Variants in POU2F2 observed in about 807,000 individuals in gnomAD.
The protein encoded by POU2F2 is POU class 2 homeobox 2.
POU2F2 carries 14 observed loss-of-function variants against 63.5 expected under a neutral mutation model. That is an observed-to-expected ratio of 0.22 (90% CI 0.15 to 0.34). The LOEUF (loss-of-function observed/expected upper bound fraction) is 0.34. Ranked by LOEUF, POU2F2 falls within the 10% of genes least tolerant of loss-of-function variation. POU2F2 has a pLI of 1.00. For synonymous variants in POU2F2, 306 were observed against 348.6 expected, an observed-to-expected ratio of 0.88 and a Z score of 1.36; for missense variants, 607 against 815.2, an observed-to-expected ratio of 0.74 and a Z score of 3.11.
At chr19:42,186,901 C>T (rs2035018378) in intron 1 of POU2F2, among the ~76,000 whole-genome samples, 1 of 152,060 alleles carries the variant, frequency 6.6e-6, no homozygotes, top group South Asian at 2.1e-4. Context: ...AGAACTTATT[C>T]GACAAAGTTC....
At chr19:42,166,785 G>A (rs1260212591) in intron 1 of POU2F2, among the ~76,000 whole-genome samples, 1 of 152,130 alleles carries the variant, frequency 6.6e-6, no homozygotes, top group Non-Finnish European at 1.5e-5. Context: ...CAGGTAGGAG[G>A]TGGACTCACT....
At chr19:42,147,571 G>A (rs1353728352) in intron 2 of POU2F2, among the ~76,000 whole-genome samples, 1 of 152,160 alleles carries the variant, frequency 6.6e-6, no homozygotes, top group African/African-American at 2.4e-5. Context: ...AACAAACGCT[G>A]GGCACATAGT....
Position 42,117,217 on chromosome 19 carries a change from T to C in POU2F2, c.369+33A>G. On this transcript the variant is annotated intron_variant, in intron 5 of 14. Coordinates refer to ENST00000692977, the MANE Select transcript of POU2F2 (RefSeq NM_001394376.1). The surrounding 1 kb of genome is among the most constrained non-coding windows in gnomAD (Gnocchi z 4.4). ...TAACAGATGAGGGGTGGCTGGTTTG[T>C]CCCCTCGTCCCCATCCTTCCCCAAG... 7.0e-7 allele frequency: 1 copy of C among 1,435,678 alleles called. No homozygotes were observed. Among genetic ancestry groups the C allele is most frequent in the South Asian group, 1.5e-5 (1 of 65,792 alleles). The allele number at this position is 1,435,678 out of a possible 1,614,324, so 88.9% of individuals were successfully genotyped here. A position where few individuals can be genotyped will look rare whatever the true frequency, so the allele number is the denominator to read the frequency against.
chr19:42,130,102 C>A (rs1178528794), intron 1 of POU2F2, among the ~76,000 whole-genome samples: 1 of 152,102 alleles, frequency 6.6e-6, no homozygotes. Flanking sequence ...ACACAGCCAG[C>A]CAGACACACG....
chr19:42,186,837 C>T (rs923994755), intron 1 of POU2F2, among the ~76,000 whole-genome samples: 3 of 151,948 alleles, frequency 2.0e-5, no homozygotes, highest in African/African-American at 7.3e-5. Context: ...CACTTGGATG[C>T]CCGGATGGAT....
At chr19:42,148,342 A>G (rs2034273455) in intron 2 of POU2F2, among the ~76,000 whole-genome samples, 1 of 152,200 alleles carries the variant, frequency 6.6e-6, no homozygotes, top group East Asian at 1.9e-4. Flanking sequence ...AACTAGTGAA[A>G]AGTAAGCACT....
chr19:42,128,821 C>G (rs558638886), intron 1 of POU2F2, among the ~76,000 whole-genome samples: 2 of 152,114 alleles, frequency 1.3e-5, no homozygotes, highest in South Asian at 4.1e-4. Context: ...TATTTAAAAG[C>G]CCCTCCAGGT....
In POU2F2 at chr19:42,091,281, G is replaced by A. The variant is rs1208281256; in HGVS notation, c.1851C>T (p.Pro617=). The A allele has an allele frequency of 3.9e-6, 6 of 1,532,286 alleles. No homozygotes were observed. Among genetic ancestry groups the A allele is most frequent in the East Asian group, 2.5e-5 (1 of 40,794 alleles). The allele number at this position is 1,532,286 out of a possible 1,614,324, so 94.9% of individuals were successfully genotyped here. ...CTCACTCAGGTTTGGACCCTGCCTC[G>A]GGCCCCCCTGGACCTCCAGGGGTCT... is the stretch of plus-strand genomic sequence containing the variant. ...AAQTPGGPGG[P]EAGSKPE Residue 617 remains proline (P), a synonymous_variant, in exon 15 of 15, where the codon CCC becomes CCT. Transcript: ENST00000692977.
In POU2F2 at chr19:42,095,952, G is replaced by T. The variant is rs766762211; in HGVS notation, c.730-23C>A. 63 of 1,609,522 alleles carry T rather than the reference G, an allele frequency of 3.9e-5. No individual in the cohort carries two copies. Among genetic ancestry groups the T allele is most frequent in the South Asian group, 2.7e-4 (24 of 90,500 alleles). On this transcript the variant is annotated intron_variant, in intron 8 of 14. Transcript: ENST00000692977. The surrounding 1 kb of genome is among the most constrained non-coding windows in gnomAD (Gnocchi z 7.1). ...ACCCTGGGCCAGTGGGGCGGGGAAG[G>T]GCCCGAAGTCAGGGTGGGGCCTTCC...
At chr19:42,094,789 A>G (rs2076856369) in intron 11 of POU2F2, among the ~76,000 whole-genome samples, 1 of 152,200 alleles carries the variant, frequency 6.6e-6, no homozygotes, top group Non-Finnish European at 1.5e-5. Context: ...CGATGGGGGC[A>G]GGGGCTCCTC....
chr19:42,117,027 A>C lies in POU2F2; in HGVS notation c.369+223T>G. Reference sequence around the variant, plus strand: ...TGAGCTGCGGGGTGTCGGGGACAGCAGGAATTGGAGCAAGGGGTTGAAGAG... The same window carrying C: ...TGAGCTGCGGGGTGTCGGGGACAGCCGGAATTGGAGCAAGGGGTTGAAGAG... On this transcript the variant is annotated intron_variant, in intron 5 of 14. Coordinates refer to ENST00000692977, the MANE Select transcript of POU2F2 (RefSeq NM_001394376.1). This position sits in a 1 kb window ranked among gnomAD's most constrained non-coding sequence, Gnocchi z 4.4. 1 of 647,508 alleles carries C rather than the reference A, an allele frequency of 1.5e-6. No individual in the cohort carries two copies. The highest frequency in any genetic ancestry group is 2.8e-6 in the Non-Finnish European group (1 of 358,734). The allele number at this position is 647,508 out of a possible 1,614,324, so 40.1% of individuals were successfully genotyped here.
chr19:42,116,317 C>T (rs1023345915), intron 5 of POU2F2, among the ~76,000 whole-genome samples: 4 of 152,106 alleles, frequency 2.6e-5, no homozygotes, highest in Non-Finnish European at 5.9e-5. Flanking sequence ...GAGGGTAGGG[C>T]ACTCATTCTT....
chr19:42,089,414 T>C lies in POU2F2; in HGVS notation c.*1843A>G, dbSNP rs1399779026. 2 of 152,594 alleles carry C rather than the reference T, an allele frequency of 1.3e-5. No homozygotes were observed. Among genetic ancestry groups the C allele is most frequent in the African/African-American group, 4.8e-5 (2 of 41,434 alleles). The allele number at this position is 152,594 out of a possible 1,614,324, so 9.5% of individuals were successfully genotyped here. A position where few individuals can be genotyped will look rare whatever the true frequency, so the allele number is the denominator to read the frequency against. ...TTACTCCTTTTTTTCCTGTCTTTTTTTAAAGCTTTTTCAGTTGATTTGGGA... is the reference window on the plus strand; with the variant it reads ...TTACTCCTTTTTTTCCTGTCTTTTTCTAAAGCTTTTTCAGTTGATTTGGGA... On this transcript the variant is annotated 3_prime_UTR_variant, in exon 15 of 15. Transcript: ENST00000692977.
At chr19:42,104,712 C>A (rs1415657288) in intron 5 of POU2F2, among the ~76,000 whole-genome samples, 1 of 152,074 alleles carries the variant, frequency 6.6e-6, no homozygotes. Flanking sequence ...GAAAACCATA[C>A]CAGAAGGCCA....
chr19:42,098,997 T>C (rs756437329), intron 7 of POU2F2, among the ~76,000 whole-genome samples: 1 of 152,218 alleles, frequency 6.6e-6, no homozygotes, highest in Non-Finnish European at 1.5e-5. Context: ...CCAGATTTTC[T>C]GGTTTATCAA....
At chr19:42,184,950 G>C (rs950146662) in intron 1 of POU2F2, among the ~76,000 whole-genome samples, 2 of 152,034 alleles carry the variant, frequency 1.3e-5, no homozygotes, top group African/African-American at 4.8e-5. Context: ...ATCTAATCAT[G>C]TCATCTTCTC....
In POU2F2 at chr19:42,091,129, G is replaced by GTTTTTTTTTT. The variant is rs2076697486; in HGVS notation, c.*127_*128insAAAAAAAAAA. On this transcript the variant is annotated 3_prime_UTR_variant, in exon 15 of 15. Transcript: ENST00000692977. ...TTTTTTTTGGTTGGTTGTTTTTTTG[G>GTTTTTTTTTT]TCTTTCCTCCCTTGTCACTCCTGCT... 1 of 626,116 alleles carries GTTTTTTTTTT rather than the reference G, an allele frequency of 1.6e-6. No homozygotes were observed. The allele number at this position is 626,116 out of a possible 1,614,324, so 38.8% of individuals were successfully genotyped here.
Position 42,089,848 on chromosome 19 carries a change from G to A in POU2F2, c.*1409C>T, listed in dbSNP as rs183537927. The A allele has an allele frequency of 1.3e-5, 2 of 152,116 alleles. No homozygotes were observed. The highest frequency in any genetic ancestry group is 6.5e-5 in the Admixed American group (1 of 15,276). The allele number at this position is 152,116 out of a possible 1,614,324, so 9.4% of individuals were successfully genotyped here. ...CTCCACAATAGCAGGAGGGCAGGGTGGCTCCCAGTGGTGTCTCTCCTCTGT... is the reference window on the plus strand; with the variant it reads ...CTCCACAATAGCAGGAGGGCAGGGTAGCTCCCAGTGGTGTCTCTCCTCTGT... On this transcript the variant is annotated 3_prime_UTR_variant, in exon 15 of 15. Coordinates refer to ENST00000692977, the MANE Select transcript of POU2F2 (RefSeq NM_001394376.1).
chr19:42,132,590 CAT>C, upstream of POU2F2: 1 of 494,116 alleles, frequency 2.0e-6, no homozygotes, highest in Non-Finnish European at 3.4e-6. Flanking sequence ...CACCCCAAAT[CAT>C]GTGTGTGTGC....
Sources: gnomAD v4.1 joint callset for allele counts (sites outside exome capture counted in the v4.1 genomes callset) on GRCh38, gnomAD v4.1.1 for gene constraint, Gnocchi (gnomAD v3.1) non-coding constraint, MANE v1.5 for transcripts, NCBI Gene and HGNC (gene_info 2026-07-23, HGNC 2026-07-21) for gene names.